PKHD1: variants seen among roughly 807,000 people sequenced by gnomAD.
The protein encoded by PKHD1 is fibrocystin.
Under a neutral mutation model 412.0 loss-of-function variants are expected in PKHD1, and 291 were observed. The observed-to-expected ratio is 0.71, with a 90% CI of 0.64 to 0.78. PKHD1 has a LOEUF of 0.78. Ranked by LOEUF, PKHD1 falls within the 30% of genes least tolerant of loss-of-function variation. The probability of loss-of-function intolerance (pLI) is 0.00; values close to 1 mark genes in which losing one functional copy is unlikely to be tolerated. For missense variants in PKHD1, 4,825 were observed against 4,950.7 expected (o/e 0.97, Z 0.76); for synonymous variants, 1,777 against 1,821.5 (o/e 0.98, Z 0.62).
rs147058009 is a variant in PKHD1 at position 51,689,385 on chromosome 6, A to T, written c.10157-29416T>A. Among the ~76,000 whole-genome samples, 267 of 152,336 alleles carry T rather than the reference A, an allele frequency of 1.8e-3. 1 individual carries two copies. Among genetic ancestry groups the T allele is most frequent in the Non-Finnish European group, 2.7e-3 (185 of 68,030 alleles). Reference sequence around the variant, plus strand: ...CATATATGATAAACCCACAGCAAACATCATACTGAATGAGCAAAAGCTGGA... The same window carrying T: ...CATATATGATAAACCCACAGCAAACTTCATACTGAATGAGCAAAAGCTGGA... On this transcript the variant is annotated intron_variant, in intron 60 of 66. Coordinates refer to ENST00000371117, the MANE Select transcript of PKHD1 (RefSeq NM_138694.4).
intron 35 of PKHD1, among the ~76,000 whole-genome samples, chr6:51,977,834 C>T (rs1794654754): frequency 2.0e-5 from 3 of 152,172 alleles, no homozygotes; most frequent in African/African-American, 7.2e-5. Context: ...AGAGGGGGCA[C>T]TGGTTTGGGG....
intron 31 of PKHD1, among the ~76,000 whole-genome samples, chr6:52,027,104 C>T (rs1802304871): frequency 6.6e-6 from 1 of 152,162 alleles, no homozygotes; most frequent in Non-Finnish European, 1.5e-5. Flanking sequence ...AAGTGAAGAC[C>T]CGCAGATTCA....
intron 37 of PKHD1, among the ~76,000 whole-genome samples, chr6:51,915,201 T>G (rs1783587692): frequency 6.6e-6 from 1 of 152,088 alleles, no homozygotes; most frequent in African/African-American, 2.4e-5. Context: ...GGAGGAACCC[T>G]CCAGATGGCT....
chr6:52,023,008 A>G (rs1801635688), intron 32 of PKHD1, 64 bp from the exon 33 acceptor site: 4 of 1,584,362 alleles, frequency 2.5e-6, no homozygotes, highest in East Asian at 2.2e-5. Flanking sequence ...ACTCAACTCA[A>G]AATTCAAACA....
At chr6:52,007,761 A>G (rs1799276064) in intron 35 of PKHD1, among the ~76,000 whole-genome samples, 1 of 152,176 alleles carries the variant, frequency 6.6e-6, no homozygotes, top group South Asian at 2.1e-4. Flanking sequence ...AGAATCTAGA[A>G]TTAACAATTT....
At chr6:51,770,446 T>C (rs1006306141) in intron 55 of PKHD1, among the ~76,000 whole-genome samples, 2 of 150,428 alleles carry the variant, frequency 1.3e-5, no homozygotes, top group Non-Finnish European at 3.0e-5. Flanking sequence ...TTTCTCCTAG[T>C]TGGTTTTAAG....
chr6:51,636,129 T>A (rs964414633), intron 64 of PKHD1, among the ~76,000 whole-genome samples: 1 of 152,184 alleles, frequency 6.6e-6, no homozygotes, highest in Non-Finnish European at 1.5e-5. Flanking sequence ...ATGTCAGACC[T>A]AAGAGGATTC....
rs919892457 is a variant in PKHD1, at chr6:51,912,416, G to A, written c.6282C>T (p.Val2094=). ...VKGAKPMEEI[V]TVETVQDTDL... ...CTGTATCCTGCACAGTTTCCACAGT[G>A]ACAATCTCTTCCATCGGTTTGGCAC... The change falls in exon 38 of 67, where the codon GTC becomes GTT. Residue 2094 remains valine (V), a synonymous_variant. Coordinates refer to ENST00000371117, the MANE Select transcript of PKHD1 (RefSeq NM_138694.4). 2 of 1,612,910 alleles carry A rather than the reference G, an allele frequency of 1.2e-6. No homozygotes were observed. The highest frequency in any genetic ancestry group is 1.7e-6 in the Non-Finnish European group (2 of 1,179,238).
At chr6:51,705,855 A>G (rs1332513725) in intron 60 of PKHD1, among the ~76,000 whole-genome samples, 1 of 152,168 alleles carries the variant, frequency 6.6e-6, no homozygotes, top group African/African-American at 2.4e-5. Context: ...GAGAAGGGCA[A>G]TTGTGATTAA....
intron 51 of PKHD1, among the ~76,000 whole-genome samples, chr6:51,832,397 G>A (rs1362994741): frequency 6.6e-6 from 1 of 152,098 alleles, no homozygotes; most frequent in Non-Finnish European, 1.5e-5. Context: ...AAGTCAAGTG[G>A]AGGAATGATA....
chr6:52,059,613 T>C (rs1179928981), intron 15 of PKHD1, among the ~76,000 whole-genome samples: 2 of 152,164 alleles, frequency 1.3e-5, no homozygotes, highest in African/African-American at 4.8e-5. Flanking sequence ...TCTTTATGTA[T>C]ATATGTGTAT....
rs71544105 is a variant in PKHD1 at position 51,880,779 on chromosome 6, TAAAAAA to T, written c.7350+2308_7350+2313del. The stretch of plus-strand genomic sequence containing the variant: ...CTTAGAGTATAATAAAAAAAAAAAT[TAAAAAA>T]AAAAAAAAAAAAAAAAAAAAAACAC... On this transcript the variant is annotated intron_variant, in intron 46 of 66. Transcript: ENST00000371117. Among the ~76,000 whole-genome samples the T allele has an allele frequency of 1.8e-3, 54 of 30,042 alleles. 5 individuals are homozygous for T. The highest frequency in any genetic ancestry group is 9.3e-3 in the African/African-American group (46 of 4,926). The allele number at this position is 30,042 out of a possible 152,430, so 19.7% of individuals were successfully genotyped here.
At chr6:51,889,891 A>C (rs1444627889) in intron 43 of PKHD1, among the ~76,000 whole-genome samples, 1 of 152,226 alleles carries the variant, frequency 6.6e-6, no homozygotes, top group Non-Finnish European at 1.5e-5. Flanking sequence ...GCCACTGCTG[A>C]AAACTGAAGG....
intron 60 of PKHD1, among the ~76,000 whole-genome samples, chr6:51,733,400 C>T (rs1204170201): frequency 6.6e-6 from 1 of 151,750 alleles, no homozygotes; most frequent in South Asian, 2.1e-4. Flanking sequence ...ATTAGCCGGG[C>T]GTGGTGGTGG....
intron 44 of PKHD1, 93 bp downstream of exon 44, chr6:51,887,040 A>G: frequency 3.6e-6 from 3 of 839,466 alleles, no homozygotes; most frequent in Non-Finnish European, 6.2e-6. Context: ...CCAATCTCCA[A>G]CAAATGCCCA....
chr6:51,703,480 T>C (rs1194151546), intron 60 of PKHD1, among the ~76,000 whole-genome samples: 2 of 151,936 alleles, frequency 1.3e-5, no homozygotes, highest in East Asian at 1.9e-4. Flanking sequence ...CCCCTAGCAG[T>C]CTCAAGCACT....
chr6:51,821,946 C>G (rs1357945807), intron 52 of PKHD1, among the ~76,000 whole-genome samples: 1 of 152,204 alleles, frequency 6.6e-6, no homozygotes, highest in Non-Finnish European at 1.5e-5. Flanking sequence ...CTCGGACTCC[C>G]AAAGTGCTGG....
intron 52 of PKHD1, among the ~76,000 whole-genome samples, chr6:51,800,528 C>T (rs1762745460): frequency 6.6e-6 from 1 of 152,212 alleles, no homozygotes; most frequent in Non-Finnish European, 1.5e-5. Flanking sequence ...TTGACTACCA[C>T]AGTTACAAAG....
chr6:51,960,067 T>C, intron 35 of PKHD1, 41 bp from the exon 36 acceptor site: 2 of 1,604,472 alleles, frequency 1.2e-6, no homozygotes, highest in Non-Finnish European at 1.7e-6. Flanking sequence ...GGTTGGTTGG[T>C]TGGCTGGTCT....
Sources: allele counts gnomAD v4.1 joint callset (sites outside exome capture counted in the v4.1 genomes callset), GRCh38; gene constraint gnomAD v4.1.1; transcripts MANE v1.5; gene names NCBI Gene and HGNC (gene_info 2026-07-23, HGNC 2026-07-21).